The following XPNPEP1 variants were observed in gnomAD, a reference collection of about 807,000 sequenced individuals.
XPNPEP1 encodes the protein xaa-Pro aminopeptidase 1.
In XPNPEP1, 39 loss-of-function variants were observed where a neutral mutation model predicts 92.4. The ratio of observed to expected loss-of-function variants is 0.42; its 90% CI spans 0.33 to 0.55. The LOEUF (loss-of-function observed/expected upper bound fraction) is 0.55, where lower values mean the gene tolerates loss of function less well. Ranked by LOEUF, XPNPEP1 falls within the 20% of genes least tolerant of loss-of-function variation. XPNPEP1 has a pLI of 0.08. For synonymous variants in XPNPEP1, 307 were observed against 299.4 expected, an observed-to-expected ratio of 1.03 and a Z score of -0.26; for missense variants, 654 against 856.1, an observed-to-expected ratio of 0.76 and a Z score of 2.95.
intron 20 of XPNPEP1, 27 bp from the exon 21 acceptor site, chr10:109,865,339 G>C: frequency 6.2e-7 from 1 of 1,613,750 alleles, no homozygotes; most frequent in Non-Finnish European, 8.5e-7. Context: ...GACAGACACG[G>C]TATTCACCAC....
At chr10:109,915,433 G>A (rs946521889) in intron 1 of XPNPEP1, among the ~76,000 whole-genome samples, 2 of 152,004 alleles carry the variant, frequency 1.3e-5, no homozygotes, top group Non-Finnish European at 2.9e-5. Flanking sequence ...TTTCTTTATG[G>A]TGTCCTATTC....
rs1314031201 is a variant in XPNPEP1 at position 109,865,091 on chromosome 10, A to G, written c.*93T>C. 3.2e-6 allele frequency: 5 copies of G among 1,561,744 alleles called. No individual in the cohort carries two copies. Among genetic ancestry groups the G allele is most frequent in the African/African-American group, 2.7e-5 (2 of 73,582 alleles). On this transcript the variant is annotated 3_prime_UTR_variant, in exon 21 of 21. Coordinates refer to ENST00000502935, the MANE Select transcript of XPNPEP1 (RefSeq NM_020383.4). Reference sequence around the variant, plus strand: ...CTAAAGTAAAAAGGGGAGGTAGGGAAGAAGGAAAGGAAAGGGGAAAGATGT... The same window carrying G: ...CTAAAGTAAAAAGGGGAGGTAGGGAGGAAGGAAAGGAAAGGGGAAAGATGT...
intron 10 of XPNPEP1, among the ~76,000 whole-genome samples, chr10:109,881,519 G>GAGCAATTATAAAAT (rs1269636783): frequency 1.3e-5 from 2 of 152,250 alleles, no homozygotes; most frequent in Non-Finnish European, 2.9e-5. Flanking sequence ...AATTGCTTTT[G>GAGCAATTATAAAAT]TGATCTTATC....
chr10:109,884,002 G>A, intron 9 of XPNPEP1, 65 bp downstream of exon 9: 1 of 1,478,994 alleles, frequency 6.8e-7, no homozygotes. Context: ...GCCAGGACCA[G>A]AAAGGGCACA....
intron 8 of XPNPEP1, 161 bp from the exon 9 acceptor site, chr10:109,884,309 C>T: frequency 1.6e-6 from 1 of 639,608 alleles, no homozygotes; most frequent in Non-Finnish European, 2.7e-6. Flanking sequence ...CTGGTTCCAC[C>T]TCTGAGCTGC....
At chr10:109,890,589 TGTGTGA>T (rs1334308993) in intron 5 of XPNPEP1, among the ~76,000 whole-genome samples, 92 of 90,982 alleles carry the variant, frequency 1.0e-3, no homozygotes, top group African/African-American at 1.7e-3. Flanking sequence ...TGTGTGTGTG[TGTGTGA>T]GAGAGAGAGA....
intron 10 of XPNPEP1, among the ~76,000 whole-genome samples, chr10:109,881,692 G>A (rs1346943863): frequency 6.6e-6 from 1 of 152,186 alleles, no homozygotes; most frequent in Non-Finnish European, 1.5e-5. Context: ...ACATCACTGG[G>A]CTTGCCAAAG....
intron 3 of XPNPEP1, among the ~76,000 whole-genome samples, chr10:109,898,387 T>G (rs1385853081): frequency 6.6e-6 from 1 of 152,216 alleles, no homozygotes; most frequent in Non-Finnish European, 1.5e-5. Flanking sequence ...TCGGCAATAG[T>G]AGACAGATAT....
intron 3 of XPNPEP1, among the ~76,000 whole-genome samples, chr10:109,895,762 C>T (rs547909466): frequency 8.6e-4 from 131 of 152,308 alleles, no homozygotes; most frequent in African/African-American, 3.0e-3. Context: ...TTCTCAAAAC[C>T]ACCCACTTCT....
At chr10:109,902,504 G>A (rs1197450325) in intron 3 of XPNPEP1, among the ~76,000 whole-genome samples, 1 of 152,182 alleles carries the variant, frequency 6.6e-6, no homozygotes, top group Non-Finnish European at 1.5e-5. Flanking sequence ...CTAACTACCT[G>A]CCCTCTGCAT....
chr10:109,894,086 C>T (rs1394313646), intron 3 of XPNPEP1: 2 of 152,272 alleles, frequency 1.3e-5, no homozygotes, highest in African/African-American at 4.8e-5. Context: ...TCTGCAGTTA[C>T]CAGGATTCTC....
intron 15 of XPNPEP1, 159 bp from the exon 16 acceptor site, chr10:109,873,586 GTTAA>G: frequency 1.4e-6 from 1 of 721,556 alleles, no homozygotes; most frequent in African/African-American, 1.8e-5. Flanking sequence ...TCCTTAAAAG[GTTAA>G]ATATAGTCAC....
chr10:109,919,976 G>A (rs1331699418), intron 1 of XPNPEP1, among the ~76,000 whole-genome samples: 1 of 151,880 alleles, frequency 6.6e-6, no homozygotes, highest in African/African-American at 2.4e-5. Context: ...AGGCTGCAGT[G>A]AGCCAAGATC....
Position 109,915,135 on chromosome 10 carries a change from G to C in XPNPEP1, c.33-36C>G, listed in dbSNP as rs904890868. 3 of 1,392,180 alleles carry C rather than the reference G, an allele frequency of 2.2e-6. No individual in the cohort carries two copies. The African/African-American group carries it at 4.3e-5, about 20-fold the overall frequency. The allele number at this position is 1,392,180 out of a possible 1,614,324, so 86.2% of individuals were successfully genotyped here. A position where few individuals can be genotyped will look rare whatever the true frequency, so the allele number is the denominator to read the frequency against. On this transcript the variant is annotated intron_variant, in intron 1 of 20. Transcript: ENST00000502935. The stretch of plus-strand genomic sequence containing the variant: ...GAAAGAACAGGAAGTTGCAGACTTT[G>C]ACCACAATAAACGTGGCAAGGCTCA...
chr10:109,886,122 G>C lies in XPNPEP1; in HGVS notation c.748+124C>G. ...AGTTGGCATCTCCTATACCCATTTG[G>C]TGACGTAGTCTTCTTCTTATTCCCT... On this transcript the variant is annotated intron_variant, in intron 8 of 20. Coordinates refer to ENST00000502935, the MANE Select transcript of XPNPEP1 (RefSeq NM_020383.4). 3 of 916,686 alleles carry C rather than the reference G, an allele frequency of 3.3e-6. No homozygotes were observed. The East Asian group carries it at 7.9e-5, about 24-fold the overall frequency. 56.8% of individuals were successfully genotyped at this position (916,686 alleles called of 1,614,324 possible).
chr10:109,897,267 C>CAA (rs564784851), intron 3 of XPNPEP1, among the ~76,000 whole-genome samples: 2 of 134,980 alleles, frequency 1.5e-5, no homozygotes, highest in Admixed American at 7.5e-5. Flanking sequence ...CTGTAAACTA[C>CAA]AAAAAAAAAA....
intron 15 of XPNPEP1, among the ~76,000 whole-genome samples, chr10:109,875,134 A>G (rs542252246): frequency 2.6e-5 from 4 of 152,278 alleles, no homozygotes; most frequent in African/African-American, 4.8e-5. Flanking sequence ...GGCAGCCCTC[A>G]TTTCTCATTT....
chr10:109,898,452 T>A (rs761659330), intron 3 of XPNPEP1, among the ~76,000 whole-genome samples: 22 of 152,112 alleles, frequency 1.4e-4, no homozygotes, highest in Non-Finnish European at 3.2e-4. Flanking sequence ...GAACATGCAG[T>A]GTGGTATTTG....
Position 109,883,941 on chromosome 10 carries a change from AG to A in XPNPEP1, c.830+125del, listed in dbSNP as rs895836334. On this transcript the variant is annotated intron_variant, in intron 9 of 20. Transcript: ENST00000502935. Reference sequence around the variant, plus strand: ...GAAAACAAGAAGGGAAAATGTTAAAAGGGCAAGAAAAAAGAAGCACATCAGT... The same window carrying A: ...GAAAACAAGAAGGGAAAATGTTAAAAGGCAAGAAAAAAGAAGCACATCAGT... 1.8e-4 allele frequency: 139 copies of A among 789,352 alleles called. No individual in the cohort carries two copies. In the African/African-American group the frequency reaches 2.2e-3, roughly 12 times the overall value. 48.9% of individuals were successfully genotyped at this position (789,352 alleles called of 1,614,324 possible).
Sources: allele counts gnomAD v4.1 joint callset (sites outside exome capture counted in the v4.1 genomes callset), GRCh38; gene constraint gnomAD v4.1.1; transcripts MANE v1.5; gene names NCBI Gene and HGNC (gene_info 2026-07-23, HGNC 2026-07-21).